Variants in XPR1 observed in about 807,000 individuals in gnomAD.
XPR1 encodes solute carrier family 53 member 1.
A neutral mutation model predicts 87.5 loss-of-function variants in XPR1; 28 were observed. That is an observed-to-expected ratio of 0.32 (90% CI 0.24 to 0.44). XPR1 has a LOEUF of 0.44. XPR1 is among the 20% of genes least tolerant of loss of function. The pLI is 1.00. For synonymous variants in XPR1, 300 were observed against 306.1 expected (o/e 0.98, Z 0.21); for missense variants, 559 against 862.3 (o/e 0.65, Z 4.41).
At chr1:180,853,791 G>A (rs929374309) in intron 11 of XPR1, among the ~76,000 whole-genome samples, 2 of 109,446 alleles carry the variant, frequency 1.8e-5, no homozygotes, top group Middle Eastern at 4.9e-3. Flanking sequence ...CATTCATGTG[G>A]TTTTTTTTTT....
In XPR1 at chr1:180,634,364, TTTC is replaced by T. The variant is rs527724705; in HGVS notation, c.69+2097_69+2099del. On this transcript the variant is annotated intron_variant, in intron 1 of 14. Coordinates refer to ENST00000367590, the MANE Select transcript of XPR1 (RefSeq NM_004736.4). ...TAGACAAAATTAAATGAGGCGCACT[TTTC>T]TTTGTAAGTTGGAATCAACCAATAT... Among the ~76,000 whole-genome samples the T allele has an allele frequency of 2.9e-4, 44 of 152,332 alleles. No individual in the cohort carries two copies. In the East Asian group the frequency reaches 6.9e-3, roughly 24 times the overall value.
intron 2 of XPR1, among the ~76,000 whole-genome samples, chr1:180,712,314 A>G (rs973265132): frequency 3.3e-5 from 5 of 152,214 alleles, no homozygotes; most frequent in South Asian, 2.1e-4. Context: ...GTTGTTCCCT[A>G]TACGAAGGGA....
At chr1:180,749,639 TCACACACACACACACA>T (rs139363505) in intron 2 of XPR1, among the ~76,000 whole-genome samples, 5 of 142,342 alleles carry the variant, frequency 3.5e-5, no homozygotes, top group Admixed American at 7.0e-5. Context: ...CACATATACA[TCACACACACACACACA>T]CACACACACA....
At chr1:180,844,103 C>G (rs1480940875) in intron 11 of XPR1, among the ~76,000 whole-genome samples, 1 of 151,840 alleles carries the variant, frequency 6.6e-6, no homozygotes, top group Non-Finnish European at 1.5e-5. Context: ...CCCAGCTACT[C>G]GGGAGGCTGA....
At chr1:180,651,108 CTTT>C (rs111392505) in intron 1 of XPR1, among the ~76,000 whole-genome samples, 2 of 142,734 alleles carry the variant, frequency 1.4e-5, no homozygotes, top group Admixed American at 7.0e-5. Flanking sequence ...GAATCCATTT[CTTT>C]TTTTTTTTTT....
rs1213014140 is a variant in XPR1 at position 180,863,099 on chromosome 1, A to T, written c.1502-609A>T. Among the ~76,000 whole-genome samples the T allele has an allele frequency of 2.0e-5, 3 of 152,138 alleles. No homozygotes were observed. The East Asian group carries it at 5.8e-4, about 29-fold the overall frequency. ...CCTTTGTATCAATAAACACCCTCTA[A>T]GAAAAGCTAAAATATCATACTTTGC... On this transcript the variant is annotated intron_variant, in intron 11 of 14. Coordinates refer to ENST00000367590, the MANE Select transcript of XPR1 (RefSeq NM_004736.4).
At chr1:180,757,851 A>C (rs1376251928) in intron 2 of XPR1, among the ~76,000 whole-genome samples, 1 of 144,760 alleles carries the variant, frequency 6.9e-6, no homozygotes, top group Non-Finnish European at 1.5e-5. Flanking sequence ...CTGTGGTATA[A>C]AGATATTGTT....
intron 9 of XPR1, among the ~76,000 whole-genome samples, chr1:180,826,789 GT>G (rs1650858772): frequency 6.6e-6 from 1 of 151,858 alleles, no homozygotes; most frequent in Admixed American, 6.6e-5. Context: ...GTTAGCAAAG[GT>G]TTTTTTGTTC....
At chr1:180,754,086 T>G (rs1054973842) in intron 2 of XPR1, among the ~76,000 whole-genome samples, 3 of 152,234 alleles carry the variant, frequency 2.0e-5, no homozygotes, top group African/African-American at 7.2e-5. Context: ...CTTGTTCAAC[T>G]ATCATATCAC....
intron 2 of XPR1, among the ~76,000 whole-genome samples, chr1:180,784,561 A>G (rs7546516): frequency 0.32 from 48,184 of 151,744 alleles, 8,668 homozygotes; most frequent in Non-Finnish European, 0.39. Flanking sequence ...TTATTTTCTG[A>G]AAGTGTCAAT....
intron 1 of XPR1, among the ~76,000 whole-genome samples, chr1:180,668,856 G>A (rs1356966371): frequency 6.6e-6 from 1 of 152,078 alleles, no homozygotes; most frequent in Non-Finnish European, 1.5e-5. Flanking sequence ...TTGGGAGGCC[G>A]AGGTGGGTAG....
intron 2 of XPR1, among the ~76,000 whole-genome samples, chr1:180,738,420 C>T (rs947561072): frequency 6.6e-6 from 1 of 152,150 alleles, no homozygotes; most frequent in Non-Finnish European, 1.5e-5. Flanking sequence ...TCATTTGATA[C>T]TGTTAGTATG....
chr1:180,664,222 A>T (rs986225947), intron 1 of XPR1, among the ~76,000 whole-genome samples: 8 of 152,136 alleles, frequency 5.3e-5, no homozygotes, highest in Non-Finnish European at 1.0e-4. Context: ...CCTCATAGCC[A>T]CCACAGCTGT....
At chr1:180,831,374 T>TTTTC in intron 9 of XPR1, among the ~76,000 whole-genome samples, 1 of 149,510 alleles carries the variant, frequency 6.7e-6, no homozygotes, top group East Asian at 1.9e-4. Flanking sequence ...TTTTTTTTTT[T>TTTTC]TTTTTTTGAT....
chr1:180,823,240 CA>C (rs35189351), intron 7 of XPR1, among the ~76,000 whole-genome samples: 25 of 135,978 alleles, frequency 1.8e-4, no homozygotes, highest in African/African-American at 8.2e-5. Context: ...GACTCCATCT[CA>C]AAAAAAAAAA....
intron 1 of XPR1, among the ~76,000 whole-genome samples, chr1:180,677,202 G>T (rs1260448913): frequency 6.6e-6 from 1 of 152,182 alleles, no homozygotes; most frequent in Non-Finnish European, 1.5e-5. Context: ...TTTTGTAACT[G>T]TCCAACTGGT....
At chr1:180,844,012 A>C (rs1316784770) in intron 11 of XPR1, among the ~76,000 whole-genome samples, 2 of 152,166 alleles carry the variant, frequency 1.3e-5, no homozygotes, top group Non-Finnish European at 2.9e-5. Flanking sequence ...GGAGTTCGAG[A>C]CCAGCCTGGC....
chr1:180,841,835 T>G (rs1651526146), intron 11 of XPR1, among the ~76,000 whole-genome samples: 1 of 152,108 alleles, frequency 6.6e-6, no homozygotes, highest in South Asian at 2.1e-4. Context: ...AATATTCATA[T>G]CACTAAAATT....
intron 9 of XPR1, among the ~76,000 whole-genome samples, chr1:180,833,683 A>G (rs114454175): frequency 0.013 from 2,028 of 152,368 alleles, 39 homozygotes; most frequent in African/African-American, 0.046. Context: ...GAATAAACAC[A>G]AAAGCTAAAC....
Sources: gnomAD v4.1 joint callset for allele counts (sites outside exome capture counted in the v4.1 genomes callset) on GRCh38, gnomAD v4.1.1 for gene constraint, MANE v1.5 for transcripts, NCBI Gene and HGNC (gene_info 2026-07-23, HGNC 2026-07-21) for gene names.